GPC5: variants seen among roughly 807,000 people sequenced by gnomAD.
The protein encoded by GPC5 is glypican-5.
GPC5 carries 47 observed loss-of-function variants against 53.9 expected under a neutral mutation model. That is an observed-to-expected ratio of 0.87 (90% CI 0.69 to 1.11). The LOEUF is 1.11. GPC5 is among the 50% of genes most tolerant of loss of function. The probability of loss-of-function intolerance (pLI) is 0.00; values close to 1 mark genes in which losing one functional copy is unlikely to be tolerated. For missense variants in GPC5, 748 were observed against 713.1 expected, an observed-to-expected ratio of 1.05 and a Z score of -0.56; for synonymous variants, 286 against 263.3, an observed-to-expected ratio of 1.09 and a Z score of -0.84.
intron 7 of GPC5, among the ~76,000 whole-genome samples, chr13:92,269,354 C>A (rs910823033): frequency 4.6e-5 from 7 of 151,978 alleles, no homozygotes; most frequent in African/African-American, 1.7e-4. Flanking sequence ...CTATATCAAA[C>A]AATTTTAATT....
At chr13:92,742,547 C>T (rs9523799) in intron 7 of GPC5, among the ~76,000 whole-genome samples, 41,051 of 135,198 alleles carry the variant, frequency 0.3, 7,103 homozygotes, top group East Asian at 0.74. Flanking sequence ...TTCACTCTGA[C>T]GGTAGTTTCT....
At chr13:92,457,421 T>C (rs1202109754) in intron 7 of GPC5, among the ~76,000 whole-genome samples, 2 of 151,958 alleles carry the variant, frequency 1.3e-5, no homozygotes. Flanking sequence ...CCCTTCTCCT[T>C]CCCCAGTTGT....
chr13:92,752,202 G>A (rs1808480722), intron 7 of GPC5, among the ~76,000 whole-genome samples: 2 of 152,112 alleles, frequency 1.3e-5, no homozygotes, highest in Admixed American at 6.6e-5. Context: ...TGCTTTGCAG[G>A]AAGTTTAGCC....
intron 2 of GPC5, among the ~76,000 whole-genome samples, chr13:91,463,085 C>A (rs1882035220): frequency 6.6e-6 from 1 of 151,922 alleles, no homozygotes; most frequent in Non-Finnish European, 1.5e-5. Flanking sequence ...TGTTCCAGGA[C>A]CCCCTTGAAT....
intron 2 of GPC5, among the ~76,000 whole-genome samples, chr13:91,478,812 TATATATATATACAC>T (rs1338452599): frequency 0.023 from 2,888 of 123,232 alleles, 301 homozygotes; most frequent in African/African-American, 0.087. Context: ...TATATATATA[TATATATATATACAC>T]ACACACACAT....
At chr13:92,548,907 C>A (rs1432758712) in intron 7 of GPC5, among the ~76,000 whole-genome samples, 1 of 151,678 alleles carries the variant, frequency 6.6e-6, no homozygotes, top group African/African-American at 2.4e-5. Flanking sequence ...CATGTACCCA[C>A]AAAATTAAAA....
At chr13:92,228,642 AT>A (rs2139097616) in intron 7 of GPC5, among the ~76,000 whole-genome samples, 1 of 152,276 alleles carries the variant, frequency 6.6e-6, no homozygotes, top group Non-Finnish European at 1.5e-5. Context: ...TACCCATTTA[AT>A]TTATCTATTA....
chr13:92,306,304 A>C (rs910576126), intron 7 of GPC5, among the ~76,000 whole-genome samples: 1 of 152,178 alleles, frequency 6.6e-6, no homozygotes, highest in African/African-American at 2.4e-5. Context: ...TCTCAGACTC[A>C]ATGCCTCTGC....
chr13:92,805,704 C>A (rs759335743), intron 7 of GPC5, among the ~76,000 whole-genome samples: 118 of 151,990 alleles, frequency 7.8e-4, no homozygotes, highest in Non-Finnish European at 1.3e-3. Context: ...TCCCAAAGTG[C>A]TGGGAATACA....
chr13:92,693,578 T>C (rs182861577), intron 7 of GPC5, among the ~76,000 whole-genome samples: 1 of 152,278 alleles, frequency 6.6e-6, no homozygotes, highest in East Asian at 1.9e-4. Context: ...AGAGATAATT[T>C]AGGGCATCTG....
chr13:92,166,966 A>G, intron 7 of GPC5, among the ~76,000 whole-genome samples: 1 of 93,080 alleles, frequency 1.1e-5, no homozygotes, highest in Non-Finnish European at 2.3e-5. Flanking sequence ...TCACACACAC[A>G]CACACACACA....
At chr13:92,247,314 A>G (rs1307906070) in intron 7 of GPC5, among the ~76,000 whole-genome samples, 1 of 152,148 alleles carries the variant, frequency 6.6e-6, no homozygotes, top group Admixed American at 6.6e-5. Context: ...GAAGGTATTA[A>G]TTGAGACAGG....
At chr13:92,325,163 A>C (rs1286814478) in intron 7 of GPC5, among the ~76,000 whole-genome samples, 1 of 151,660 alleles carries the variant, frequency 6.6e-6, no homozygotes, top group African/African-American at 2.4e-5. Flanking sequence ...TATAAAACTT[A>C]AGCATGTTTA....
chr13:91,973,664 T>G (rs1272666043), intron 6 of GPC5, among the ~76,000 whole-genome samples: 2 of 152,166 alleles, frequency 1.3e-5, no homozygotes, highest in Admixed American at 1.3e-4. Flanking sequence ...GTCCTTTCTG[T>G]TTGTTAGTTT....
At chr13:92,769,749 C>A (rs1386673537) in intron 7 of GPC5, among the ~76,000 whole-genome samples, 1 of 151,830 alleles carries the variant, frequency 6.6e-6, no homozygotes, top group Non-Finnish European at 1.5e-5. Flanking sequence ...AAATGAAAAC[C>A]CCAAAGGTGA....
At chr13:92,094,762 T>C (rs2041408738) in intron 6 of GPC5, among the ~76,000 whole-genome samples, 1 of 151,912 alleles carries the variant, frequency 6.6e-6, no homozygotes, top group African/African-American at 2.4e-5. Flanking sequence ...TTTCAGCAGA[T>C]TGTGCTGTTT....
intron 7 of GPC5, among the ~76,000 whole-genome samples, chr13:92,579,836 C>T (rs1353979772): frequency 1.3e-5 from 2 of 150,578 alleles, no homozygotes; most frequent in Admixed American, 6.6e-5. Context: ...TATAAGGTTT[C>T]TCTCTCTCTC....
At chr13:92,391,145 C>G (rs1459071172) in intron 7 of GPC5, among the ~76,000 whole-genome samples, 2 of 152,062 alleles carry the variant, frequency 1.3e-5, no homozygotes, top group African/African-American at 4.8e-5. Flanking sequence ...AAAATCTCCT[C>G]ATTAATATAA....
At chr13:92,169,182 G>A (rs1174258576) in intron 7 of GPC5, among the ~76,000 whole-genome samples, 1 of 152,126 alleles carries the variant, frequency 6.6e-6, no homozygotes, top group African/African-American at 2.4e-5. Flanking sequence ...CCTGTCAGGG[G>A]TGGGGTGGCG....
Sources: allele counts gnomAD v4.1 joint callset (sites outside exome capture counted in the v4.1 genomes callset), GRCh38; gene constraint gnomAD v4.1.1; transcripts MANE v1.5; gene names NCBI Gene and HGNC (gene_info 2026-07-23, HGNC 2026-07-21).